The following PDZRN3 variants were observed in gnomAD, a reference collection of about 807,000 sequenced individuals.
The protein encoded by PDZRN3 is E3 ubiquitin-protein ligase PDZRN3.
In PDZRN3, 38 loss-of-function variants were observed where a neutral mutation model predicts 85.7. The observed-to-expected ratio is 0.44, with a 90% CI of 0.34 to 0.58. The LOEUF is 0.58. Among genes scored for constraint, PDZRN3 ranks in the 20% least tolerant of loss-of-function variants. The pLI, the probability that PDZRN3 is intolerant of heterozygous loss-of-function variation, is 0.01. For missense variants in PDZRN3, 1,629 were observed against 1,506.4 expected (o/e 1.08, Z -1.35); for synonymous variants, 759 against 638.0 (o/e 1.19, Z -2.86).
intron 3 of PDZRN3, among the ~76,000 whole-genome samples, chr3:73,475,791 G>C (rs950512268): frequency 2.6e-5 from 4 of 152,190 alleles, no homozygotes; most frequent in Non-Finnish European, 4.4e-5. Flanking sequence ...ATATGTACCA[G>C]AATATTAAAG....
At chr3:73,469,256 G>A (rs1384483903) in intron 3 of PDZRN3, among the ~76,000 whole-genome samples, 1 of 151,940 alleles carries the variant, frequency 6.6e-6, no homozygotes, top group African/African-American at 2.4e-5. Flanking sequence ...TATCTTTAGT[G>A]GAAACAAGGT....
At position 73,388,027 on chromosome 3, in the gene PDZRN3, G is replaced by T; in HGVS notation, c.1459C>A (p.Leu487Ile). The T allele has an allele frequency of 1.4e-6, 2 of 1,432,530 alleles. No individual in the cohort carries two copies. The highest frequency in any genetic ancestry group is 1.9e-6 in the Non-Finnish European group (2 of 1,067,266). The allele number at this position is 1,432,530 out of a possible 1,614,324, so 88.7% of individuals were successfully genotyped here. A position where few individuals can be genotyped will look rare whatever the true frequency, so the allele number is the denominator to read the frequency against. The change falls in exon 8 of 10, where the codon CTT becomes ATT. Residue 487 changes from leucine to isoleucine, a missense_variant. Leu to Ile is a conservative substitution (Grantham distance 5, BLOSUM62 2). Transcript: ENST00000263666. ...TTTTTATTTTCTTCACTGGTTAGAA[G>T]AGCCACAGCCTCTTCACGGTTCTGC... Reference protein sequence around the residue: ...EVQNREEAVALLTSEENKNFS... With the variant: ...EVQNREEAVAILTSEENKNFS...
chr3:73,460,604 T>A (rs1444925698), intron 3 of PDZRN3, among the ~76,000 whole-genome samples: 2 of 152,234 alleles, frequency 1.3e-5, no homozygotes, highest in Admixed American at 1.3e-4. Context: ...ATTTTCTTTA[T>A]GATAACCACA....
At chr3:73,527,772 G>A (rs1026675229) in intron 3 of PDZRN3, among the ~76,000 whole-genome samples, 3 of 152,126 alleles carry the variant, frequency 2.0e-5, no homozygotes, top group Non-Finnish European at 2.9e-5. Context: ...TGTGGGCTCG[G>A]CATTGTTGAA....
intron 5 of PDZRN3, among the ~76,000 whole-genome samples, chr3:73,393,474 T>A (rs898226314): frequency 1.2e-4 from 18 of 152,322 alleles, no homozygotes; most frequent in African/African-American, 4.1e-4. Context: ...AGGGCATGAT[T>A]AGCAGACTTG....
chr3:73,611,995 C>A (rs985825369), intron 1 of PDZRN3, among the ~76,000 whole-genome samples: 1 of 152,166 alleles, frequency 6.6e-6, no homozygotes, highest in Non-Finnish European at 1.5e-5. Flanking sequence ...GCTTTCCCGA[C>A]TGTTCACAGA....
intron 3 of PDZRN3, among the ~76,000 whole-genome samples, chr3:73,503,806 C>T (rs1276078219): frequency 6.6e-6 from 1 of 152,110 alleles, no homozygotes; most frequent in Non-Finnish European, 1.5e-5. Flanking sequence ...GAAATTAAAC[C>T]TAGAATTAAG....
intron 3 of PDZRN3, among the ~76,000 whole-genome samples, chr3:73,433,104 C>A (rs1303381962): frequency 6.6e-6 from 1 of 152,146 alleles, no homozygotes; most frequent in Non-Finnish European, 1.5e-5. Flanking sequence ...TTTTGAAGTT[C>A]TTAAAAATTT....
intron 3 of PDZRN3, among the ~76,000 whole-genome samples, chr3:73,461,842 C>G (rs1467223580): frequency 6.6e-6 from 1 of 152,198 alleles, no homozygotes; most frequent in Non-Finnish European, 1.5e-5. Flanking sequence ...TCATGATTCA[C>G]TACGGCAGGG....
intron 3 of PDZRN3, among the ~76,000 whole-genome samples, chr3:73,530,400 G>C (rs1704625103): frequency 6.6e-6 from 1 of 152,200 alleles, no homozygotes; most frequent in Non-Finnish European, 1.5e-5. Context: ...GACATTAGTT[G>C]AGAACTTAAC....
chr3:73,388,264 G>T, intron 7 of PDZRN3, 195 bp from the exon 8 acceptor site: 1 of 435,714 alleles, frequency 2.3e-6, no homozygotes, highest in Non-Finnish European at 4.0e-6. Context: ...AGTTTCTCTG[G>T]TCTATAAGGG....
At chr3:73,564,123 G>T (rs188116015) in intron 3 of PDZRN3, among the ~76,000 whole-genome samples, 1 of 152,220 alleles carries the variant, frequency 6.6e-6, no homozygotes, top group Admixed American at 6.5e-5. Flanking sequence ...AGCCAAACCT[G>T]TATAACTCTA....
At chr3:73,549,290 T>C (rs1193092751) in intron 3 of PDZRN3, among the ~76,000 whole-genome samples, 2 of 152,190 alleles carry the variant, frequency 1.3e-5, no homozygotes, top group Non-Finnish European at 2.9e-5. Flanking sequence ...TACTATTCAT[T>C]AGCGGTCTGT....
chr3:73,536,651 T>C (rs1490676433), intron 3 of PDZRN3, among the ~76,000 whole-genome samples: 1 of 152,210 alleles, frequency 6.6e-6, no homozygotes, highest in African/African-American at 2.4e-5. Context: ...ATTTAGAGAC[T>C]GAAAGGAAGG....
At chr3:73,507,174 ATT>A (rs11332686) in intron 3 of PDZRN3, among the ~76,000 whole-genome samples, 24 of 150,644 alleles carry the variant, frequency 1.6e-4, no homozygotes, top group Admixed American at 1.2e-3. Context: ...TTTCATTCTC[ATT>A]TTTTTTTTTG....
At chr3:73,411,688 G>C (rs535782563) in intron 3 of PDZRN3, among the ~76,000 whole-genome samples, 2 of 151,442 alleles carry the variant, frequency 1.3e-5, no homozygotes, top group South Asian at 2.1e-4. Flanking sequence ...GGGTGACTCA[G>C]CTCCCTCTAT....
chr3:73,469,287 G>A (rs1198041481), intron 3 of PDZRN3, among the ~76,000 whole-genome samples: 2 of 152,092 alleles, frequency 1.3e-5, no homozygotes, highest in African/African-American at 2.4e-5. Flanking sequence ...TGGCCAGGCC[G>A]GTCTTGAACT....
At chr3:73,592,496 A>C (rs1441455061) in intron 3 of PDZRN3, among the ~76,000 whole-genome samples, 6 of 152,138 alleles carry the variant, frequency 3.9e-5, no homozygotes, top group Admixed American at 2.0e-4. Flanking sequence ...GAAGGAAATA[A>C]AGAGAATTAG....
intron 3 of PDZRN3, among the ~76,000 whole-genome samples, chr3:73,554,359 C>G (rs991236634): frequency 1.2e-4 from 16 of 129,682 alleles, no homozygotes; most frequent in African/African-American, 4.9e-4. Context: ...AGAAGACACA[C>G]ACACACACAC....
Sources: gnomAD v4.1 joint callset for allele counts (sites outside exome capture counted in the v4.1 genomes callset) on GRCh38, gnomAD v4.1.1 for gene constraint, MANE v1.5 for transcripts, NCBI Gene and HGNC (gene_info 2026-07-23, HGNC 2026-07-21) for gene names.